Variants in PLA2R1 observed in about 807,000 individuals in gnomAD.
PLA2R1 encodes the protein secretory phospholipase A2 receptor.
A neutral mutation model predicts 195.9 loss-of-function variants in PLA2R1; 158 were observed. That is an observed-to-expected ratio of 0.81 (90% confidence interval 0.71 to 0.92). PLA2R1 has a LOEUF of 0.92. Ranked by LOEUF, PLA2R1 falls within the 40% of genes least tolerant of loss-of-function variation. PLA2R1 has a pLI of 0.00. For synonymous variants in PLA2R1, 586 were observed against 598.2 expected, an observed-to-expected ratio of 0.98 and a Z score of 0.30; for missense variants, 1,626 against 1,764.6, an observed-to-expected ratio of 0.92 and a Z score of 1.41.
rs563497613 is a variant in PLA2R1 at position 159,975,672 on chromosome 2, T to G, written c.2595+396A>C. Among the ~76,000 whole-genome samples, 23 of 152,244 alleles carry G rather than the reference T, an allele frequency of 1.5e-4. 1 individual carries two copies. Among genetic ancestry groups the G allele is most frequent in the Admixed American group, 1.5e-3 (23 of 15,282 alleles). ...ATATAATTCTATTTACTCGAATTGA[T>G]TATGGTCTTTCTTCCCAGACGAGAA... On this transcript the variant is annotated intron_variant, in intron 17 of 29. Coordinates refer to ENST00000283243, the MANE Select transcript of PLA2R1 (RefSeq NM_007366.5).
chr2:159,926,468 G>A, the PLA2R1 span, among the ~76,000 whole-genome samples: 1 of 152,116 alleles, frequency 6.6e-6, no homozygotes, highest in Non-Finnish European at 1.5e-5. Flanking sequence ...GATTTACTAT[G>A]CTTGCTCCCA....
chr2:159,979,285 G>C (rs1252704828), intron 14 of PLA2R1, among the ~76,000 whole-genome samples: 1 of 152,096 alleles, frequency 6.6e-6, no homozygotes, highest in Non-Finnish European at 1.5e-5. Flanking sequence ...AGTTCTCTGT[G>C]TCCTTCATAG....
downstream of PLA2R1, among the ~76,000 whole-genome samples, chr2:159,930,303 C>G (rs1686558491): frequency 6.6e-6 from 1 of 151,548 alleles, no homozygotes; most frequent in South Asian, 2.1e-4. Flanking sequence ...AGCTACTTGG[C>G]AGGCTGAGGC....
At chr2:159,928,658 C>T (rs1485106449), downstream of PLA2R1, among the ~76,000 whole-genome samples, 5 of 152,034 alleles carry the variant, frequency 3.3e-5, no homozygotes, top group South Asian at 6.2e-4. Context: ...AAAAAAAATC[C>T]TAAAATTCAT....
chr2:159,953,195 A>G (rs1687866746), intron 23 of PLA2R1, among the ~76,000 whole-genome samples: 1 of 152,244 alleles, frequency 6.6e-6, no homozygotes, highest in South Asian at 2.1e-4. Flanking sequence ...GTTTCAAAAC[A>G]AGTGATTTTG....
intron 18 of PLA2R1, among the ~76,000 whole-genome samples, chr2:159,969,635 G>A (rs182253063): frequency 9.4e-4 from 143 of 152,100 alleles, no homozygotes; most frequent in African/African-American, 3.2e-3. Context: ...TCTGCCTCAC[G>A]GGTTCAAGTG....
intron 11 of PLA2R1, among the ~76,000 whole-genome samples, chr2:159,999,148 T>C (rs1394446070): frequency 1.3e-5 from 2 of 152,144 alleles, no homozygotes; most frequent in African/African-American, 4.8e-5. Context: ...CAGCAGACAC[T>C]GAATCTGCTA....
At chr2:159,959,673 T>C (rs1391862746) in intron 20 of PLA2R1, among the ~76,000 whole-genome samples, 2 of 152,186 alleles carry the variant, frequency 1.3e-5, no homozygotes, top group Admixed American at 6.6e-5. Flanking sequence ...CCCTCCAAAC[T>C]TGGTCCTTTC....
At chr2:160,044,705 C>T in intron 2 of PLA2R1, 69 bp downstream of exon 2, 4 of 1,346,700 alleles carry the variant, frequency 3.0e-6, no homozygotes, top group Non-Finnish European at 1.0e-6. Context: ...TAATGCTTTA[C>T]AAATCTTTAC....
At chr2:159,979,768 C>T (rs1008999614) in intron 14 of PLA2R1, 62 bp downstream of exon 14, 1 of 919,556 alleles carries the variant, frequency 1.1e-6, no homozygotes, top group Admixed American at 2.0e-5. Flanking sequence ...GTTGGTTTAC[C>T]AAGTGGTCCC....
chr2:160,050,007 G>C, intron 1 of PLA2R1, among the ~76,000 whole-genome samples: 1 of 152,028 alleles, frequency 6.6e-6, no homozygotes, highest in East Asian at 1.9e-4. Flanking sequence ...AATGCATGTG[G>C]GCTTAATACC....
At chr2:160,062,150 G>A (rs949039103) in intron 1 of PLA2R1, 145 bp downstream of exon 1, 13 of 601,826 alleles carry the variant, frequency 2.2e-5, no homozygotes, top group Admixed American at 3.5e-5. Context: ...CCCATGCTCA[G>A]GACTGCTGAC....
intron 12 of PLA2R1, among the ~76,000 whole-genome samples, chr2:159,984,424 G>T (rs1411740124): frequency 6.6e-6 from 1 of 152,100 alleles, no homozygotes; most frequent in Non-Finnish European, 1.5e-5. Context: ...GAGAGGTTAA[G>T]AATTTTAGGT....
intron 13 of PLA2R1, among the ~76,000 whole-genome samples, chr2:159,981,860 G>T (rs1181026378): frequency 1.3e-5 from 2 of 152,106 alleles, no homozygotes; most frequent in Non-Finnish European, 2.9e-5. Flanking sequence ...AAATTTTTTT[G>T]TAGAAACTGA....
rs767998160 is a variant in PLA2R1, at chr2:160,045,099, T to C, written c.168A>G (p.Lys56=). The change falls in exon 2 of 30, where the codon AAA becomes AAG. Residue 56 remains lysine (K), a synonymous_variant. Coordinates refer to ENST00000283243, the MANE Select transcript of PLA2R1 (RefSeq NM_007366.5). ...ESLKKCIQAG[K]SVLTLENCKQ... ...TGCAGTTCTCCAGGGTCAGAACCGA[T>C]TTACCTGCTTGAATGCATTTCTTGA... 6 of 1,612,954 alleles carry C rather than the reference T, an allele frequency of 3.7e-6. No homozygotes were observed. The highest frequency in any genetic ancestry group is 5.1e-6 in the Non-Finnish European group (6 of 1,178,994).
In PLA2R1 at chr2:159,937,552, G is replaced by T. The variant is rs1218522642; in HGVS notation, c.*4226C>A. 6.6e-6 allele frequency: 1 copy of T among 152,178 alleles called. No individual in the cohort carries two copies. The highest frequency in any genetic ancestry group is 1.5e-5 in the Non-Finnish European group (1 of 68,026). 9.4% of individuals were successfully genotyped at this position (152,178 alleles called of 1,614,324 possible). ...AATACTCATCCTCACAACTCACATA[G>T]AAATCTAAGATAAATCAAGCCTTGG... On this transcript the variant is annotated 3_prime_UTR_variant, in exon 30 of 30. Coordinates refer to ENST00000283243, the MANE Select transcript of PLA2R1 (RefSeq NM_007366.5).
At chr2:159,959,363 A>G (rs1000427510) in intron 20 of PLA2R1, among the ~76,000 whole-genome samples, 29 of 152,158 alleles carry the variant, frequency 1.9e-4, no homozygotes, top group African/African-American at 7.0e-4. Flanking sequence ...TACTAGCTTG[A>G]CTACGGAAGT....
At chr2:159,960,646 T>A (rs1423311850) in intron 20 of PLA2R1, among the ~76,000 whole-genome samples, 1 of 152,168 alleles carries the variant, frequency 6.6e-6, no homozygotes, top group Non-Finnish European at 1.5e-5. Flanking sequence ...CACTTAGAAT[T>A]TCTTCCTCCC....
chr2:159,934,651 T>C lies in PLA2R1; in HGVS notation c.*7127A>G, dbSNP rs1325479538. 6.6e-6 allele frequency: 1 copy of C among 152,226 alleles called. No individual in the cohort carries two copies. The highest frequency in any genetic ancestry group is 1.5e-5 in the Non-Finnish European group (1 of 68,034). The allele number at this position is 152,226 out of a possible 1,614,324, so 9.4% of individuals were successfully genotyped here. On this transcript the variant is annotated 3_prime_UTR_variant, in exon 30 of 30. Coordinates refer to ENST00000283243, the MANE Select transcript of PLA2R1 (RefSeq NM_007366.5). ...AGTGCCTTATCACCCTTTTAATATA[T>C]CCAGTGGTGTCTAATATCATAGCAA...
Sources: allele counts gnomAD v4.1 joint callset (sites outside exome capture counted in the v4.1 genomes callset), GRCh38; gene constraint gnomAD v4.1.1; transcripts MANE v1.5; gene names NCBI Gene and HGNC (gene_info 2026-07-23, HGNC 2026-07-21).